FANCL: variants seen among roughly 807,000 people sequenced by gnomAD.
The protein encoded by FANCL is E3 ubiquitin-protein ligase FANCL.
A neutral mutation model predicts 59.4 loss-of-function variants in FANCL; 69 were observed. That is an observed-to-expected ratio of 1.16 (90% CI 0.96 to 1.42). The LOEUF is 1.42. Among genes scored for constraint, FANCL ranks in the 40% most tolerant of loss-of-function variants. The pLI is 0.00. For missense variants in FANCL, 519 were observed against 447.2 expected, an observed-to-expected ratio of 1.16 and a Z score of -1.45; for synonymous variants, 180 against 147.1, an observed-to-expected ratio of 1.22 and a Z score of -1.62.
chr2:58,230,450 C>G (rs1383408634), intron 2 of FANCL, among the ~76,000 whole-genome samples: 2 of 152,012 alleles, frequency 1.3e-5, no homozygotes, highest in Non-Finnish European at 2.9e-5. Context: ...CTACAGACAC[C>G]CACCACCAAG....
At chr2:58,195,861 G>A (rs1045864845) in intron 7 of FANCL, among the ~76,000 whole-genome samples, 7 of 151,964 alleles carry the variant, frequency 4.6e-5, no homozygotes, top group Non-Finnish European at 7.4e-5. Context: ...TCAATACTGC[G>A]TAACCCCAAA....
At chr2:58,179,829 A>G (rs1414851127) in intron 7 of FANCL, among the ~76,000 whole-genome samples, 2 of 152,198 alleles carry the variant, frequency 1.3e-5, no homozygotes, top group African/African-American at 2.4e-5. Context: ...CAATCTATCC[A>G]TCTGACAAAG....
chr2:58,176,983 C>T (rs536856377), intron 7 of FANCL, among the ~76,000 whole-genome samples: 30 of 152,282 alleles, frequency 2.0e-4, no homozygotes, highest in Admixed American at 8.5e-4. Flanking sequence ...CATGAACAGA[C>T]ACTTCTCAAA....
intron 7 of FANCL, among the ~76,000 whole-genome samples, chr2:58,173,511 C>G (rs1472708834): frequency 1.3e-5 from 2 of 152,060 alleles, no homozygotes; most frequent in Non-Finnish European, 2.9e-5. Flanking sequence ...AATTTTCAAC[C>G]CAGAATTTCA....
intron 4 of FANCL, 27 bp from the exon 5 acceptor site, chr2:58,222,069 A>T (rs751865450): frequency 6.6e-7 from 1 of 1,523,952 alleles, no homozygotes; most frequent in Non-Finnish European, 9.1e-7. Flanking sequence ...AACCTGAATT[A>T]GCTGTGGAAC....
chr2:58,195,613 A>G (rs923584620), intron 7 of FANCL, among the ~76,000 whole-genome samples: 1 of 152,154 alleles, frequency 6.6e-6, no homozygotes, highest in African/African-American at 2.4e-5. Context: ...AAATATATAC[A>G]AAGTTAAAAG....
At chr2:58,172,872 G>A (rs775310385) in intron 7 of FANCL, among the ~76,000 whole-genome samples, 1 of 152,120 alleles carries the variant, frequency 6.6e-6, no homozygotes, top group Non-Finnish European at 1.5e-5. Flanking sequence ...CAAAGGCGAA[G>A]AAGCTGAAAA....
intron 9 of FANCL, 97 bp from the exon 10 acceptor site, chr2:58,163,171 A>C: frequency 9.2e-7 from 1 of 1,088,540 alleles, no homozygotes; most frequent in Non-Finnish European, 1.4e-6. Context: ...ACTTGATTAG[A>C]AAATCAAAAT....
In FANCL at chr2:58,184,052, T is replaced by C. The variant is rs114979985; in HGVS notation, c.540+14542A>G. On this transcript the variant is annotated intron_variant, in intron 7 of 13. Coordinates refer to ENST00000233741, the MANE Select transcript of FANCL (RefSeq NM_018062.4). The stretch of plus-strand genomic sequence containing the variant: ...GTCAAGAATTCTAAATATAACTGTT[T>C]GAAAATCCATGAAGTAGGTATTGCT... Among the ~76,000 whole-genome samples the C allele has an allele frequency of 4.9e-3, 746 of 152,120 alleles. 8 individuals are homozygous for C. The highest frequency in any genetic ancestry group is 0.017 in the African/African-American group (708 of 41,552).
At position 58,163,597 on chromosome 2, in the gene FANCL, C is replaced by A. The variant is rs1455700390; in HGVS notation, c.692-80G>T. 7.0e-6 allele frequency: 6 copies of A among 860,398 alleles called. No individual in the cohort carries two copies. In the African/African-American group the frequency reaches 8.4e-5, roughly 12 times the overall value. The allele number at this position is 860,398 out of a possible 1,614,324, so 53.3% of individuals were successfully genotyped here. ...CAATAAAAAATAAAGAGGTGTTGGT[C>A]TGGCTACCTATTTCACTGTATACCC... On this transcript the variant is annotated intron_variant, in intron 8 of 13. Coordinates refer to ENST00000233741, the MANE Select transcript of FANCL (RefSeq NM_018062.4).
intron 7 of FANCL, among the ~76,000 whole-genome samples, chr2:58,173,395 G>C (rs1256231116): frequency 6.6e-6 from 1 of 152,118 alleles, no homozygotes; most frequent in East Asian, 1.9e-4. Flanking sequence ...AGAAAGGTCG[G>C]GTTACCCACA....
intron 6 of FANCL, among the ~76,000 whole-genome samples, chr2:58,202,057 T>C (rs1022803828): frequency 6.6e-6 from 1 of 151,738 alleles, no homozygotes; most frequent in Non-Finnish European, 1.5e-5. Flanking sequence ...TTTCAACTAT[T>C]AGTGTAGTTG....
chr2:58,204,694 G>C (rs186167218), intron 5 of FANCL, among the ~76,000 whole-genome samples: 6 of 152,102 alleles, frequency 3.9e-5, no homozygotes, highest in African/African-American at 1.4e-4. Flanking sequence ...AATCTAGCTG[G>C]TATTTGTTCA....
rs763456981 is a variant in FANCL at position 58,159,553 on chromosome 2, G to T, written c.*212C>A. 6.2e-7 allele frequency: 1 copy of T among 1,613,796 alleles called. No homozygotes were observed. Among genetic ancestry groups the T allele is most frequent in the Non-Finnish European group, 8.5e-7 (1 of 1,179,812 alleles). On this transcript the variant is annotated 3_prime_UTR_variant, in exon 14 of 14. Coordinates refer to ENST00000233741, the MANE Select transcript of FANCL (RefSeq NM_018062.4). ...TTCCACAGTCAGCACGGGGATCACA[G>T]ACTTAGAAAGTTCAACTGGACTTTG...
At chr2:58,217,192 A>C (rs1405257244) in intron 5 of FANCL, among the ~76,000 whole-genome samples, 1 of 4,644 alleles carries the variant, frequency 2.2e-4, no homozygotes, top group African/African-American at 1.4e-3. Flanking sequence ...ATATATATAT[A>C]TATATATATA....
chr2:58,164,132 T>C (rs1305190238), intron 8 of FANCL, among the ~76,000 whole-genome samples: 2 of 152,028 alleles, frequency 1.3e-5, no homozygotes, highest in African/African-American at 4.8e-5. Context: ...CTAAGAAAAT[T>C]GGCACTAGGT....
In FANCL at chr2:58,198,608, A is replaced by G. The variant is rs541727008; in HGVS notation, c.526T>C (p.Ser176Pro). 2 of 1,613,748 alleles carry G rather than the reference A, an allele frequency of 1.2e-6. No individual in the cohort carries two copies. Among genetic ancestry groups the G allele is most frequent in the South Asian group, 2.2e-5 (2 of 91,070 alleles). Residue 176 changes from serine (S) to proline (P), a missense_variant, in exon 7 of 14, where the codon TCC becomes CCC. Transcript: ENST00000233741. ...GGAGAATTTACCTGAGGTGTCCAGG[A>G]GGCACAAAATGGAACAGGAAAATCC... ...FVDFPVPFCA[S>P]WTPQSSLISI... is the part of the protein sequence containing the mutation.
upstream of FANCL, chr2:58,241,379 C>T: frequency 6.6e-7 from 1 of 1,517,164 alleles, no homozygotes; most frequent in South Asian, 1.1e-5. Flanking sequence ...GCGCAGTCCG[C>T]TGGCGCTCGG....
At chr2:58,190,291 G>C (rs993262876) in intron 7 of FANCL, among the ~76,000 whole-genome samples, 1 of 151,898 alleles carries the variant, frequency 6.6e-6, no homozygotes, top group African/African-American at 2.4e-5. Context: ...TGTGAAAAGG[G>C]TATCTGCCCA....
Sources: allele counts gnomAD v4.1 joint callset (sites outside exome capture counted in the v4.1 genomes callset), GRCh38; gene constraint gnomAD v4.1.1; transcripts MANE v1.5; gene names NCBI Gene and HGNC (gene_info 2026-07-23, HGNC 2026-07-21).